The following PARD3 variants were observed in gnomAD, a reference collection of about 807,000 sequenced individuals.
The protein encoded by PARD3 is partitioning defective 3 homolog.
PARD3 carries 75 observed loss-of-function variants against 155.4 expected under a neutral mutation model. That is an observed-to-expected ratio of 0.48 (90% CI 0.40 to 0.58). PARD3 has a LOEUF of 0.58. PARD3 is among the 20% of genes least tolerant of loss of function. The pLI is 0.00. For missense variants in PARD3, 1,642 were observed against 1,721.7 expected (o/e 0.95, Z 0.82); for synonymous variants, 576 against 610.5 (o/e 0.94, Z 0.83).
chr10:34,138,948 G>A (rs1216070785), intron 22 of PARD3, among the ~76,000 whole-genome samples: 1 of 142,092 alleles, frequency 7.0e-6, no homozygotes, highest in Non-Finnish European at 1.5e-5. Context: ...TGGAAATAAT[G>A]CAATACCACA....
chr10:34,161,806 C>G (rs1588975821), intron 22 of PARD3, among the ~76,000 whole-genome samples: 1 of 152,290 alleles, frequency 6.6e-6, no homozygotes, highest in Non-Finnish European at 1.5e-5. Flanking sequence ...CTGGCTCTCA[C>G]AGGCTGAGAA....
chr10:34,346,988 T>C (rs2134360021), intron 15 of PARD3, among the ~76,000 whole-genome samples: 1 of 152,340 alleles, frequency 6.6e-6, no homozygotes, highest in South Asian at 2.1e-4. Context: ...CAACAGTATA[T>C]ACACAATGTC....
At chr10:34,131,372 C>A in intron 23 of PARD3, 91 bp downstream of exon 23, 1 of 1,428,850 alleles carries the variant, frequency 7.0e-7, no homozygotes, top group Non-Finnish European at 9.7e-7. Context: ...CATCTTGTCT[C>A]GTTTCATAGA....
chr10:34,814,783 T>C (rs1844695781), intron 1 of PARD3, 93 bp downstream of exon 1: 26 of 1,137,874 alleles, frequency 2.3e-5, no homozygotes, highest in Non-Finnish European at 3.1e-5. Flanking sequence ...CCCGCCTCCC[T>C]GCGCCTCTCC....
In PARD3 at chr10:34,131,581, T is replaced by C; in HGVS notation, c.3422A>G (p.Asn1141Ser). Residue 1141 changes from asparagine (N) to serine (S), a missense_variant and splice_region_variant, in exon 23 of 25, where the codon AAC (asparagine) becomes AGC (serine). Physicochemically the swap from Asn to Ser is conservative, Grantham distance 46 (BLOSUM62 1). Around this residue, in one of 3 missense-constraint regions of PARD3, gnomAD observed 1,529 missense variants for 1,587.3 expected, o/e 0.96. Coordinates refer to ENST00000374788, the MANE Select transcript of PARD3 (RefSeq NM_001184785.2). Reference sequence around the variant, plus strand: ...ATCATGATTGCTAGGAGTTGATCTGTTACTGAAAGAGAGATGAGGCAGCAG... The same window carrying C: ...ATCATGATTGCTAGGAGTTGATCTGCTACTGAAAGAGAGATGAGGCAGCAG... ...RNSKPSPVDS[N>S]RSTPSNHDRI... is the part of the protein sequence containing the mutation. 6.2e-7 allele frequency: 1 copy of C among 1,613,696 alleles called. No homozygotes were observed. Among genetic ancestry groups the C allele is most frequent in the Non-Finnish European group, 8.5e-7 (1 of 1,179,674 alleles).
At chr10:34,785,368 T>G (rs1443601706) in intron 1 of PARD3, among the ~76,000 whole-genome samples, 1 of 152,242 alleles carries the variant, frequency 6.6e-6, no homozygotes, top group African/African-American at 2.4e-5. Flanking sequence ...ATCCTTAATT[T>G]TGCATTTTGC....
At chr10:34,431,475 C>T (rs2075894426) in intron 5 of PARD3, among the ~76,000 whole-genome samples, 1 of 152,144 alleles carries the variant, frequency 6.6e-6, no homozygotes. Flanking sequence ...GTGCAAGGGG[C>T]TCACGCCTGT....
chr10:34,347,743 A>G (rs532686434), intron 15 of PARD3, among the ~76,000 whole-genome samples: 5 of 152,340 alleles, frequency 3.3e-5, no homozygotes, highest in African/African-American at 4.8e-5. Flanking sequence ...GTCATGTTAC[A>G]GGATCTAAAA....
chr10:34,548,344 C>CA (rs900361678), intron 2 of PARD3, among the ~76,000 whole-genome samples: 12 of 151,324 alleles, frequency 7.9e-5, no homozygotes, highest in South Asian at 4.2e-4. Context: ...CACACACACA[C>CA]AAAAAAAAGC....
At chr10:34,717,896 G>A (rs762334971) in intron 1 of PARD3, among the ~76,000 whole-genome samples, 12 of 152,204 alleles carry the variant, frequency 7.9e-5, no homozygotes, top group South Asian at 2.1e-4. Context: ...GCTCACGCCT[G>A]TAATCCCAGC....
rs1491326864 is a variant in PARD3 at position 34,355,958 on chromosome 10, C to CAAAAAAAAAAAAAAAA, written c.2067+3188_2067+3189insTTTTTTTTTTTTTTTT. On this transcript the variant is annotated intron_variant, in intron 14 of 24. Transcript: ENST00000374788. ...AAAAAAAAAAAAAACAAAACAAAACCAAACAAAAAAACAGACAACAGACCC... is the reference window on the plus strand; with the variant it reads ...AAAAAAAAAAAAAACAAAACAAAACCAAAAAAAAAAAAAAAAAAACAAAAAAACAGACAACAGACCC... Among the ~76,000 whole-genome samples, 9 of 116,196 alleles carry CAAAAAAAAAAAAAAAA rather than the reference C, an allele frequency of 7.7e-5. 2 individuals are homozygous for CAAAAAAAAAAAAAAAA. The highest frequency in any genetic ancestry group is 3.7e-4 in the African/African-American group (8 of 21,638). The allele number at this position is 116,196 out of a possible 152,430, so 76.2% of individuals were successfully genotyped here.
intron 2 of PARD3, among the ~76,000 whole-genome samples, chr10:34,693,777 G>A (rs1002841675): frequency 1.3e-5 from 2 of 152,104 alleles, no homozygotes; most frequent in Non-Finnish European, 2.9e-5. Flanking sequence ...GCTGCAGTGA[G>A]CTATAATTAC....
At chr10:34,426,280 A>G (rs1350050972) in intron 5 of PARD3, among the ~76,000 whole-genome samples, 1 of 152,206 alleles carries the variant, frequency 6.6e-6, no homozygotes, top group Non-Finnish European at 1.5e-5. Context: ...GATATTTAGC[A>G]CAAACCTTGG....
intron 14 of PARD3, among the ~76,000 whole-genome samples, chr10:34,351,147 C>T (rs1388045082): frequency 6.6e-6 from 1 of 152,194 alleles, no homozygotes; most frequent in South Asian, 2.1e-4. Context: ...ATCTCCACTA[C>T]AAACACTGAA....
chr10:34,406,057 G>A (rs549967882), intron 5 of PARD3, among the ~76,000 whole-genome samples: 16 of 152,234 alleles, frequency 1.1e-4, no homozygotes, highest in Middle Eastern at 3.4e-3. Context: ...GAACAATGAG[G>A]AGTTATCTCC....
In PARD3 at chr10:34,314,117, T is replaced by C. The variant is rs114488220; in HGVS notation, c.3065+2990A>G. 1.7e-3 allele frequency among the ~76,000 whole-genome samples: 254 copies of C among 152,146 alleles called. 3 individuals carry two copies. Among genetic ancestry groups the C allele is most frequent in the African/African-American group, 5.9e-3 (244 of 41,524 alleles). ...CAGCACTGCTAAGGAAACCACATCCTAGTTTTCTTAAAAGAACAAAGAGAA... is the reference window on the plus strand; with the variant it reads ...CAGCACTGCTAAGGAAACCACATCCCAGTTTTCTTAAAAGAACAAAGAGAA... On this transcript the variant is annotated intron_variant, in intron 20 of 24. Coordinates refer to ENST00000374788, the MANE Select transcript of PARD3 (RefSeq NM_001184785.2).
At position 34,236,359 on chromosome 10, in the gene PARD3, C is replaced by A. The variant is rs139186608; in HGVS notation, c.3419+33298G>T. Among the ~76,000 whole-genome samples, 80 of 152,262 alleles carry A rather than the reference C, an allele frequency of 5.3e-4. No individual in the cohort carries two copies. The East Asian group carries it at 0.013, about 24-fold the overall frequency. On this transcript the variant is annotated intron_variant, in intron 22 of 24. Transcript: ENST00000374788. ...ATTCCATTTATTTCAGTTTCCAGGG[C>A]TGCCTGACCGGGACTACTTTAATAC...
intron 5 of PARD3, among the ~76,000 whole-genome samples, chr10:34,429,865 G>T (rs549369127): frequency 6.6e-6 from 1 of 152,116 alleles, no homozygotes; most frequent in Non-Finnish European, 1.5e-5. Context: ...GATTACAGGC[G>T]TGAGCCACTG....
chr10:34,750,242 G>A (rs1835828436), intron 1 of PARD3, among the ~76,000 whole-genome samples: 1 of 151,898 alleles, frequency 6.6e-6, no homozygotes, highest in Non-Finnish European at 1.5e-5. Flanking sequence ...ATTAAAACCA[G>A]TTTGGGATTG....
Sources: gnomAD v4.1 joint callset for allele counts (sites outside exome capture counted in the v4.1 genomes callset) on GRCh38, gnomAD v4.1.1 for gene constraint, gnomAD v4.1.1 regional missense constraint, MANE v1.5 for transcripts, NCBI Gene and HGNC (gene_info 2026-07-23, HGNC 2026-07-21) for gene names.